The following CSMD3 variants were observed in gnomAD, a reference collection of about 807,000 sequenced individuals.
CSMD3 encodes the protein CUB and Sushi multiple domains 3, also known as CUB and sushi domain-containing protein 3.
In CSMD3, 177 loss-of-function variants were observed where a neutral mutation model predicts 435.2. The observed-to-expected ratio is 0.41, with a 90% CI of 0.36 to 0.46. CSMD3 has a LOEUF of 0.46. Among genes scored for constraint, CSMD3 ranks in the 20% least tolerant of loss-of-function variants. CSMD3 has a pLI of 0.34. For missense variants in CSMD3, 4,265 were observed against 4,504.6 expected (o/e 0.95, Z 1.52); for synonymous variants, 1,656 against 1,520.5 (o/e 1.09, Z -2.07).
At chr8:112,723,781 CA>C (rs2076910160) in intron 13 of CSMD3, among the ~76,000 whole-genome samples, 1 of 151,972 alleles carries the variant, frequency 6.6e-6, no homozygotes, top group African/African-American at 2.4e-5. Flanking sequence ...CAAGAGGAAA[CA>C]AAATAGCTAC....
At chr8:112,791,339 A>G (rs1331239931) in intron 13 of CSMD3, among the ~76,000 whole-genome samples, 2 of 139,744 alleles carry the variant, frequency 1.4e-5, no homozygotes, top group Non-Finnish European at 3.2e-5. Context: ...AAAAAAAAAA[A>G]AGGAACTAAT....
intron 10 of CSMD3, 75 bp from the exon 11 acceptor site, chr8:112,859,341 T>C (rs1267127055): frequency 8.2e-7 from 1 of 1,218,318 alleles, no homozygotes; most frequent in East Asian, 2.4e-5. Flanking sequence ...ATCTTGCAAA[T>C]AGACTTTACA....
intron 13 of CSMD3, among the ~76,000 whole-genome samples, chr8:112,699,011 ATAAAATGGACCCATCAGCACTCTG>A (rs2076321992): frequency 1.3e-5 from 2 of 152,220 alleles, no homozygotes; most frequent in Admixed American, 1.3e-4. Context: ...TCAGCACTCT[ATAAAATGGACCCATCAGCACTCTG>A]TAAAATGGAC....
chr8:113,124,346 G>T (rs1197507754), intron 4 of CSMD3, among the ~76,000 whole-genome samples: 2 of 151,674 alleles, frequency 1.3e-5, no homozygotes, highest in Non-Finnish European at 2.9e-5. Context: ...AAGACACATA[G>T]GCACAACTAT....
chr8:112,864,466 G>T (rs1307951385), intron 10 of CSMD3, among the ~76,000 whole-genome samples: 1 of 151,932 alleles, frequency 6.6e-6, no homozygotes, highest in Non-Finnish European at 1.5e-5. Context: ...GGCCAGGCTG[G>T]TCTTGAACTC....
intron 50 of CSMD3, among the ~76,000 whole-genome samples, chr8:112,307,978 A>C (rs1821605433): frequency 6.6e-6 from 1 of 152,192 alleles, no homozygotes; most frequent in Admixed American, 6.5e-5. Flanking sequence ...ATATAAAATG[A>C]AAAACCTTAG....
At chr8:113,188,517 A>T (rs560113844) in intron 3 of CSMD3, among the ~76,000 whole-genome samples, 1 of 152,112 alleles carries the variant, frequency 6.6e-6, no homozygotes, top group African/African-American at 2.4e-5. Flanking sequence ...TGCAATTGGG[A>T]ACCACGGCCA....
intron 1 of CSMD3, 112 bp downstream of exon 1, chr8:113,436,565 A>G: frequency 2.0e-6 from 2 of 978,546 alleles, no homozygotes; most frequent in South Asian, 2.6e-5. Flanking sequence ...CTCCTTTAGT[A>G]TTATCAGATT....
chr8:113,173,628 T>C, intron 4 of CSMD3, 94 bp downstream of exon 4: 1 of 1,040,682 alleles, frequency 9.6e-7, no homozygotes, highest in East Asian at 2.4e-5. Flanking sequence ...GGCCTCTCTA[T>C]CCTTTAGATT....
At chr8:113,022,945 TC>T (rs2131191856) in intron 5 of CSMD3, among the ~76,000 whole-genome samples, 1 of 152,126 alleles carries the variant, frequency 6.6e-6, no homozygotes, top group African/African-American at 2.4e-5. Context: ...ATATTTAAAA[TC>T]CTATATGTTT....
chr8:113,085,520 A>G (rs2089731011), intron 5 of CSMD3, among the ~76,000 whole-genome samples: 1 of 152,206 alleles, frequency 6.6e-6, no homozygotes, highest in African/African-American at 2.4e-5. Context: ...AAGATTTGGA[A>G]TCAACCTAAA....
intron 10 of CSMD3, among the ~76,000 whole-genome samples, chr8:112,914,702 G>C (rs978401864): frequency 1.2e-4 from 18 of 151,190 alleles, no homozygotes; most frequent in African/African-American, 4.1e-4. Context: ...TTTCCTCTTT[G>C]GTTCCCAGGT....
At chr8:113,201,040 C>A (rs1480930784) in intron 3 of CSMD3, among the ~76,000 whole-genome samples, 2 of 151,892 alleles carry the variant, frequency 1.3e-5, no homozygotes, top group Non-Finnish European at 2.9e-5. Context: ...ATTTGCATCT[C>A]TCTCAGAACC....
intron 58 of CSMD3, among the ~76,000 whole-genome samples, chr8:112,283,267 T>G (rs1291041785): frequency 1.3e-5 from 2 of 151,980 alleles, no homozygotes; most frequent in African/African-American, 2.4e-5. Context: ...GAATTTTTTT[T>G]TGTGATGCAT....
chr8:113,213,796 A>G (rs2092868362), intron 3 of CSMD3, among the ~76,000 whole-genome samples: 1 of 152,090 alleles, frequency 6.6e-6, no homozygotes, highest in Admixed American at 6.6e-5. Context: ...TCCCTATTTT[A>G]TTAATTCCCT....
chr8:112,700,133 T>C (rs1192184559), intron 13 of CSMD3, among the ~76,000 whole-genome samples: 1 of 152,192 alleles, frequency 6.6e-6, no homozygotes, highest in African/African-American at 2.4e-5. Flanking sequence ...TGAGCTATTA[T>C]GTTTGCAACT....
intron 22 of CSMD3, among the ~76,000 whole-genome samples, chr8:112,593,747 T>A (rs1322591657): frequency 2.0e-5 from 3 of 152,204 alleles, no homozygotes; most frequent in Admixed American, 6.5e-5. Context: ...AGAAGATAGT[T>A]TTAAGAAAAT....
intron 6 of CSMD3, among the ~76,000 whole-genome samples, chr8:113,014,521 G>T (rs1424510679): frequency 6.6e-6 from 1 of 152,032 alleles, no homozygotes; most frequent in South Asian, 2.1e-4. Flanking sequence ...ATTAAAAAGG[G>T]ATGACTGGTT....
intron 13 of CSMD3, among the ~76,000 whole-genome samples, chr8:112,787,443 C>G (rs1053936547): frequency 1.3e-5 from 2 of 151,896 alleles, no homozygotes; most frequent in Non-Finnish European, 2.9e-5. Flanking sequence ...TAGGTATGTA[C>G]CCAAAAGAAA....
Sources: allele counts gnomAD v4.1 joint callset (sites outside exome capture counted in the v4.1 genomes callset), GRCh38; gene constraint gnomAD v4.1.1; transcripts MANE v1.5; gene names NCBI Gene and HGNC (gene_info 2026-07-23, HGNC 2026-07-21).